PTPRM: variants seen among roughly 807,000 people sequenced by gnomAD.
PTPRM encodes the protein protein tyrosine phosphatase receptor type M.
A neutral mutation model predicts 186.7 loss-of-function variants in PTPRM; 47 were observed. That is an observed-to-expected ratio of 0.25 (90% CI 0.20 to 0.32). The LOEUF (loss-of-function observed/expected upper bound fraction) is 0.32, where lower values mean the gene tolerates loss of function less well. Among genes scored for constraint, PTPRM ranks in the 10% least tolerant of loss-of-function variants. PTPRM has a pLI of 1.00. For missense variants in PTPRM, 1,494 were observed against 1,865.0 expected, an observed-to-expected ratio of 0.80 and a Z score of 3.66; for synonymous variants, 668 against 674.9, an observed-to-expected ratio of 0.99 and a Z score of 0.16.
intron 1 of PTPRM, among the ~76,000 whole-genome samples, chr18:7,707,737 A>G (rs2040126631): frequency 1.3e-5 from 2 of 152,208 alleles, no homozygotes; most frequent in South Asian, 4.1e-4. Context: ...AGAGAAGCAG[A>G]TAGAGTGGGA....
Position 8,348,542 on chromosome 18 carries a change from C to T in PTPRM, c.3054+5022C>T, listed in dbSNP as rs538749261. 1.1e-4 allele frequency among the ~76,000 whole-genome samples: 17 copies of T among 152,330 alleles called. No homozygotes were observed. In the South Asian group the frequency reaches 2.3e-3, roughly 20 times the overall value. On this transcript the variant is annotated intron_variant, in intron 23 of 32. Coordinates refer to ENST00000580170, the MANE Select transcript of PTPRM (RefSeq NM_001105244.2). Reference sequence around the variant, plus strand: ...ACCTGGCATTGAAATGGCGCTGGAACGTGTTGTGATTATTTTCCCTCTTTA... The same window carrying T: ...ACCTGGCATTGAAATGGCGCTGGAATGTGTTGTGATTATTTTCCCTCTTTA...
chr18:7,724,554 A>T (rs2040508672), intron 1 of PTPRM, among the ~76,000 whole-genome samples: 1 of 152,180 alleles, frequency 6.6e-6, no homozygotes, highest in Non-Finnish European at 1.5e-5. Flanking sequence ...TGTAAGATCG[A>T]TTACTTGACC....
chr18:7,949,518 A>G (rs1285051350), intron 6 of PTPRM, among the ~76,000 whole-genome samples, 163 bp downstream of exon 6: 1 of 152,198 alleles, frequency 6.6e-6, no homozygotes, highest in Non-Finnish European at 1.5e-5. Context: ...CAAATTTTGC[A>G]CGTGAACAAT....
chr18:8,247,177 T>C (rs1164986137), intron 15 of PTPRM, among the ~76,000 whole-genome samples: 1 of 152,230 alleles, frequency 6.6e-6, no homozygotes, highest in African/African-American at 2.4e-5. Flanking sequence ...AAAATGTCTC[T>C]TAAAATTAGG....
At chr18:8,358,017 C>T (rs1195236096) in intron 23 of PTPRM, among the ~76,000 whole-genome samples, 1 of 152,092 alleles carries the variant, frequency 6.6e-6, no homozygotes, top group Non-Finnish European at 1.5e-5. Flanking sequence ...TTATATAAAA[C>T]TTCATATCAT....
chr18:8,296,000 A>C (rs1361560862), intron 19 of PTPRM, among the ~76,000 whole-genome samples: 1 of 152,220 alleles, frequency 6.6e-6, no homozygotes, highest in African/African-American at 2.4e-5. Context: ...TATCTCTTAC[A>C]AGAATATTGA....
chr18:7,639,371 G>T (rs1330517809), intron 1 of PTPRM, among the ~76,000 whole-genome samples: 8 of 136,688 alleles, frequency 5.9e-5, no homozygotes, highest in African/African-American at 2.3e-4. Context: ...CACCCAGCCT[G>T]ACTTGTATTA....
intron 11 of PTPRM, among the ~76,000 whole-genome samples, chr18:8,109,466 T>G (rs557051956): frequency 1.3e-5 from 2 of 152,188 alleles, no homozygotes; most frequent in African/African-American, 2.4e-5. Context: ...TATCTGAAGA[T>G]GAGTGGATAG....
intron 27 of PTPRM, among the ~76,000 whole-genome samples, chr18:8,378,670 A>G (rs959230833): frequency 6.6e-6 from 1 of 152,052 alleles, no homozygotes; most frequent in Non-Finnish European, 1.5e-5. Flanking sequence ...TGGTCTAACA[A>G]CCATTTCCAC....
chr18:7,796,774 T>C (rs1023681722), intron 2 of PTPRM, among the ~76,000 whole-genome samples: 1 of 152,200 alleles, frequency 6.6e-6, no homozygotes, highest in African/African-American at 2.4e-5. Flanking sequence ...TGAGGCCTAA[T>C]TTAGCCAGTC....
rs1014789110 is a variant in PTPRM at position 8,136,217 on chromosome 18, T to C, written c.2168-7430T>C. Among the ~76,000 whole-genome samples the C allele has an allele frequency of 3.8e-4, 58 of 152,236 alleles. 1 individual carries two copies. The highest frequency in any genetic ancestry group is 3.8e-3 in the Admixed American group (58 of 15,282). ...CCCACTTCCTTTCTTGATTATTCAC[T>C]TATGTGAAAGTTGCACACAGTTGAT... On this transcript the variant is annotated intron_variant, in intron 13 of 32. Transcript: ENST00000580170.
At chr18:7,605,164 A>G (rs1323863504) in intron 1 of PTPRM, among the ~76,000 whole-genome samples, 1 of 151,006 alleles carries the variant, frequency 6.6e-6, no homozygotes, top group Non-Finnish European at 1.5e-5. Flanking sequence ...ACTAACACTA[A>G]TGATAACTGA....
In PTPRM at chr18:8,174,464, T is replaced by C. The variant is rs548972813; in HGVS notation, c.2300+30685T>C. On this transcript the variant is annotated intron_variant, in intron 14 of 32. Transcript: ENST00000580170. ...ACCAAAAGATCAGAGCAAAGACATA[T>C]GGGTTTGAGGTTTTACAATGTAAGA... Among the ~76,000 whole-genome samples the C allele has an allele frequency of 3.3e-5, 5 of 152,260 alleles. No homozygotes were observed. The South Asian group carries it at 1.0e-3, about 32-fold the overall frequency.
chr18:8,000,563 T>C (rs769569110), intron 7 of PTPRM, among the ~76,000 whole-genome samples: 1 of 152,178 alleles, frequency 6.6e-6, no homozygotes, highest in African/African-American at 2.4e-5. Context: ...AGAGAGGTGC[T>C]TAGTTAAGCA....
chr18:7,940,926 TG>T (rs1350207772), intron 5 of PTPRM, among the ~76,000 whole-genome samples: 3 of 152,042 alleles, frequency 2.0e-5, no homozygotes, highest in African/African-American at 7.2e-5. Context: ...AGACTTTCCT[TG>T]GGGTGTCAAA....
At chr18:7,786,240 CCT>C (rs1054930801) in intron 2 of PTPRM, among the ~76,000 whole-genome samples, 1 of 152,174 alleles carries the variant, frequency 6.6e-6, no homozygotes, top group African/African-American at 2.4e-5. Flanking sequence ...AATTGTAATG[CCT>C]CTGTCTGGTG....
chr18:7,581,064 C>T (rs545389651), intron 1 of PTPRM, among the ~76,000 whole-genome samples: 23 of 152,224 alleles, frequency 1.5e-4, no homozygotes, highest in African/African-American at 5.3e-4. Flanking sequence ...TTTTTTCTGT[C>T]GGCTGTTAGA....
chr18:8,381,113 T>C (rs1216557882), intron 29 of PTPRM, among the ~76,000 whole-genome samples: 1 of 152,166 alleles, frequency 6.6e-6, no homozygotes, highest in Admixed American at 6.5e-5. Flanking sequence ...AGAGAAAGAA[T>C]TGGACAGTGA....
At chr18:8,365,052 A>C (rs2095619885) in intron 23 of PTPRM, 1 of 152,130 alleles carries the variant, frequency 6.6e-6, no homozygotes, top group African/African-American at 2.4e-5. Context: ...CCACCCCTCC[A>C]CCCGTCTCCA....
Sources: allele counts gnomAD v4.1 joint callset (sites outside exome capture counted in the v4.1 genomes callset), GRCh38; gene constraint gnomAD v4.1.1; transcripts MANE v1.5; gene names NCBI Gene and HGNC (gene_info 2026-07-23, HGNC 2026-07-21).